The following ATP6V0A4 variants were observed in gnomAD, a reference collection of about 807,000 sequenced individuals.
ATP6V0A4 encodes the protein ATPase H+ transporting V0 subunit a4.
ATP6V0A4 carries 86 observed loss-of-function variants against 107.3 expected under a neutral mutation model. That is an observed-to-expected ratio of 0.80 (90% CI 0.67 to 0.96). The LOEUF is 0.96. ATP6V0A4 is among the 40% of genes least tolerant of loss of function. The pLI is 0.00. For missense variants in ATP6V0A4, 908 were observed against 1,045.6 expected (o/e 0.87, Z 1.81); for synonymous variants, 353 against 381.4 (o/e 0.93, Z 0.87).
At position 138,707,350 on chromosome 7, in the gene ATP6V0A4, A is replaced by AATATATATTATATTATATATATATTT. The variant is rs1554386053; in HGVS notation, c.2430-659_2430-634dup. On this transcript the variant is annotated intron_variant, in intron 21 of 21. Coordinates refer to ENST00000310018, the MANE Select transcript of ATP6V0A4 (RefSeq NM_020632.3). ...TTTATATTTATAATATATATATTATAATATATATTATATTATATATATATT... is the reference window on the plus strand; with the variant it reads ...TTTATATTTATAATATATATATTATAATATATATTATATTATATATATATTTATATATATTATATTATATATATATT... Among the ~76,000 whole-genome samples, 77 of 90,364 alleles carry AATATATATTATATTATATATATATTT rather than the reference A, an allele frequency of 8.5e-4. 3 individuals carry two copies. Among genetic ancestry groups the AATATATATTATATTATATATATATTT allele is most frequent in the South Asian group, 1.5e-3 (5 of 3,406 alleles). The allele number at this position is 90,364 out of a possible 152,430, so 59.3% of individuals were successfully genotyped here.
At chr7:138,728,974 T>C in intron 17 of ATP6V0A4, 112 bp from the exon 18 acceptor site, 3 of 1,581,966 alleles carry the variant, frequency 1.9e-6, no homozygotes, top group Non-Finnish European at 2.6e-6. Context: ...TTTTGAGAGA[T>C]CTAAAGCATT....
chr7:138,715,732 C>T, intron 20 of ATP6V0A4, 32 bp downstream of exon 20: 7 of 1,610,302 alleles, frequency 4.3e-6, no homozygotes, highest in Non-Finnish European at 5.9e-6. Flanking sequence ...TTGGGGAGAG[C>T]TGACTGTCCC....
At chr7:138,795,463 C>T (rs1002212244) in intron 1 of ATP6V0A4, among the ~76,000 whole-genome samples, 2 of 152,160 alleles carry the variant, frequency 1.3e-5, no homozygotes, top group Non-Finnish European at 2.9e-5. Context: ...GGCCATCTTA[C>T]ATGTTTGCAT....
At chr7:138,770,941 C>T (rs1035012092) in intron 3 of ATP6V0A4, among the ~76,000 whole-genome samples, 190 bp downstream of exon 3, 12 of 129,466 alleles carry the variant, frequency 9.3e-5, no homozygotes, top group East Asian at 4.2e-4. Flanking sequence ...AGGGAGAACA[C>T]GCTCTTGAAT....
At chr7:138,714,412 G>A (rs1019573981) in intron 20 of ATP6V0A4, among the ~76,000 whole-genome samples, 3 of 151,946 alleles carry the variant, frequency 2.0e-5, no homozygotes, top group African/African-American at 4.8e-5. Flanking sequence ...AACCCCAGGG[G>A]CTCGGATCTT....
At chr7:138,733,125 T>TAGAA in intron 16 of ATP6V0A4, 32 bp from the exon 17 acceptor site, 6 of 1,613,528 alleles carry the variant, frequency 3.7e-6, no homozygotes, top group Non-Finnish European at 5.1e-6. Context: ...ATACACAAGA[T>TAGAA]AGAACATCAA....
intron 14 of ATP6V0A4, among the ~76,000 whole-genome samples, chr7:138,742,075 T>C (rs10249244): frequency 0.16 from 23,946 of 152,192 alleles, 1,956 homozygotes; most frequent in Middle Eastern, 0.23. Context: ...TCATACTCTA[T>C]GGGAAATGGA....
intron 21 of ATP6V0A4, among the ~76,000 whole-genome samples, chr7:138,708,496 G>A (rs1034074062): frequency 1.3e-5 from 2 of 152,188 alleles, no homozygotes; most frequent in African/African-American, 4.8e-5. Flanking sequence ...GCCATAGAGG[G>A]AGGAAGAAAA....
At chr7:138,784,041 C>T (rs6948294) in intron 2 of ATP6V0A4, among the ~76,000 whole-genome samples, 87,314 of 151,206 alleles carry the variant, frequency 0.58, 25,579 homozygotes, top group African/African-American at 0.65. Context: ...CAAAAGGGTG[C>T]CCATTGGCAG....
At chr7:138,708,455 A>C (rs1803564910) in intron 21 of ATP6V0A4, among the ~76,000 whole-genome samples, 1 of 152,186 alleles carries the variant, frequency 6.6e-6, no homozygotes, top group African/African-American at 2.4e-5. Flanking sequence ...CACTCAGTAC[A>C]TGAAGTGCAA....
At chr7:138,789,644 T>C (rs896189317) in intron 1 of ATP6V0A4, among the ~76,000 whole-genome samples, 1 of 151,830 alleles carries the variant, frequency 6.6e-6, no homozygotes, top group African/African-American at 2.4e-5. Context: ...TCATTGTGAC[T>C]GTATTGCTTT....
At chr7:138,741,903 G>C (rs1805651907) in intron 14 of ATP6V0A4, among the ~76,000 whole-genome samples, 3 of 152,280 alleles carry the variant, frequency 2.0e-5, no homozygotes, top group Middle Eastern at 6.8e-3. Flanking sequence ...ATGAGGTTCT[G>C]CCTTATACTC....
intron 2 of ATP6V0A4, among the ~76,000 whole-genome samples, chr7:138,771,676 G>A (rs967349530): frequency 1.4e-4 from 21 of 152,136 alleles, no homozygotes; most frequent in African/African-American, 5.1e-4. Flanking sequence ...CTGGAGTGCA[G>A]TGGCACAAAC....
chr7:138,794,216 C>T (rs1423537078), intron 1 of ATP6V0A4, among the ~76,000 whole-genome samples: 5 of 152,142 alleles, frequency 3.3e-5, no homozygotes, highest in Admixed American at 2.0e-4. Context: ...CCATCAACCC[C>T]ATCTCTGTGA....
intron 1 of ATP6V0A4, among the ~76,000 whole-genome samples, chr7:138,790,879 TG>T (rs1168239172): frequency 6.6e-6 from 1 of 152,236 alleles, no homozygotes; most frequent in East Asian, 1.9e-4. Context: ...ACAAAAATCA[TG>T]TCTACAGGAA....
chr7:138,794,391 T>C (rs1808558165), intron 1 of ATP6V0A4, among the ~76,000 whole-genome samples: 1 of 152,180 alleles, frequency 6.6e-6, no homozygotes, highest in Non-Finnish European at 1.5e-5. Flanking sequence ...AGAAGCTTCA[T>C]TAACATGAAA....
rs111636870 is a variant in ATP6V0A4, at chr7:138,708,255, G to A, written c.2429+1369C>T. Among the ~76,000 whole-genome samples, 704 of 151,756 alleles carry A rather than the reference G, an allele frequency of 4.6e-3. 10 individuals are homozygous for A. The highest frequency in any genetic ancestry group is 0.016 in the African/African-American group (649 of 41,388). On this transcript the variant is annotated intron_variant, in intron 21 of 21. Coordinates refer to ENST00000310018, the MANE Select transcript of ATP6V0A4 (RefSeq NM_020632.3). ...AGTAGAGACGGGGTTTCTCCACGTCGATCAGGTCACAAACTCCTGACCTCA... is the reference window on the plus strand; with the variant it reads ...AGTAGAGACGGGGTTTCTCCACGTCAATCAGGTCACAAACTCCTGACCTCA...
At chr7:138,745,956 A>ATATATATAT (rs368085887) in intron 13 of ATP6V0A4, among the ~76,000 whole-genome samples, 11 of 34,696 alleles carry the variant, frequency 3.2e-4, no homozygotes, top group African/African-American at 9.7e-4. Context: ...AAAAAAAAAA[A>ATATATATAT]AAAAAAATAT....
At chr7:138,743,575 T>A (rs1036540233) in intron 14 of ATP6V0A4, among the ~76,000 whole-genome samples, 1 of 152,208 alleles carries the variant, frequency 6.6e-6, no homozygotes, top group Non-Finnish European at 1.5e-5. Context: ...ATTTATGACG[T>A]TCACCACAGA....
Sources: gnomAD v4.1 joint callset for allele counts (sites outside exome capture counted in the v4.1 genomes callset) on GRCh38, gnomAD v4.1.1 for gene constraint, MANE v1.5 for transcripts, NCBI Gene and HGNC (gene_info 2026-07-23, HGNC 2026-07-21) for gene names.